FAT4: variants seen among roughly 807,000 people sequenced by gnomAD.
FAT4 encodes the protein FAT atypical cadherin 4, also known as protocadherin Fat 4.
Under a neutral mutation model 303.9 loss-of-function variants are expected in FAT4, and 84 were observed. The observed-to-expected ratio is 0.28, with a 90% confidence interval of 0.23 to 0.33. The LOEUF (loss-of-function observed/expected upper bound fraction) is 0.33, where lower values mean the gene tolerates loss of function less well. Ranked by LOEUF, FAT4 falls within the 10% of genes least tolerant of loss-of-function variation. The pLI is 1.00. For missense variants in FAT4, 6,005 were observed against 6,146.8 expected, an observed-to-expected ratio of 0.98 and a Z score of 0.77; for synonymous variants, 2,307 against 2,298.8, an observed-to-expected ratio of 1.00 and a Z score of -0.10.
At chr4:125,414,280 G>A (rs1280987586) in intron 5 of FAT4, among the ~76,000 whole-genome samples, 1 of 151,900 alleles carries the variant, frequency 6.6e-6, no homozygotes, top group East Asian at 1.9e-4. Context: ...TTCAATAATA[G>A]CATGAGCATT....
chr4:125,456,668 G>A lies in FAT4; in HGVS notation c.11800+3858G>A, dbSNP rs1246327110. Among the ~76,000 whole-genome samples the A allele has an allele frequency of 5.3e-5, 8 of 152,090 alleles. No individual in the cohort carries two copies. In the South Asian group the frequency reaches 1.7e-3, roughly 32 times the overall value. On this transcript the variant is annotated intron_variant, in intron 10 of 17. Transcript: ENST00000394329. The stretch of plus-strand genomic sequence containing the variant: ...TAGTTTGTTAATTTTTTTTGTAGAG[G>A]TAATCTCTGAAGGATCATTCTGAGT...
In FAT4 at chr4:125,317,347, C is replaced by T; in HGVS notation, c.936C>T (p.Asp312=). The change falls in exon 2 of 18, where the codon GAC becomes GAT. Residue 312 remains aspartate (D), a synonymous_variant. Transcript: ENST00000394329. The surrounding 1 kb of genome is among the most constrained non-coding windows in gnomAD (Gnocchi z 7.0). ...TGLITVREPL[D]FEARRQYSLT... ...TTATCACGGTGCGGGAGCCCCTGGA[C>T]TTCGAAGCTCGGCGCCAATACTCGC... 2.5e-6 allele frequency: 4 copies of T among 1,612,744 alleles called. No homozygotes were observed. The highest frequency in any genetic ancestry group is 3.4e-6 in the Non-Finnish European group (4 of 1,179,552).
intron 2 of FAT4, among the ~76,000 whole-genome samples, chr4:125,372,212 AT>A (rs1383129322): frequency 6.6e-6 from 1 of 151,946 alleles, no homozygotes; most frequent in Non-Finnish European, 1.5e-5. Context: ...AAAAAGGAAA[AT>A]TATCCAGCTG....
intron 12 of FAT4, among the ~76,000 whole-genome samples, chr4:125,474,891 GT>G (rs1726975241): frequency 6.6e-6 from 1 of 151,972 alleles, no homozygotes; most frequent in Admixed American, 6.6e-5. Flanking sequence ...AGTTTGGCAT[GT>G]TATTAGTCAA....
intron 10 of FAT4, among the ~76,000 whole-genome samples, chr4:125,459,433 A>G (rs2126067963): frequency 6.6e-6 from 1 of 152,178 alleles, no homozygotes; most frequent in South Asian, 2.1e-4. Flanking sequence ...TAAGTTTAGG[A>G]AAGTCTGCGG....
chr4:125,431,361 A>G (rs1268374699), intron 7 of FAT4, among the ~76,000 whole-genome samples: 1 of 152,206 alleles, frequency 6.6e-6, no homozygotes, highest in Non-Finnish European at 1.5e-5. Context: ...AGAGAGCTAA[A>G]TGTCTCATGT....
intron 3 of FAT4, among the ~76,000 whole-genome samples, chr4:125,403,625 C>T (rs1324039574): frequency 6.6e-6 from 1 of 152,014 alleles, no homozygotes; most frequent in Non-Finnish European, 1.5e-5. Flanking sequence ...TGCCAGATAA[C>T]CATTTCTATG....
intron 3 of FAT4, among the ~76,000 whole-genome samples, chr4:125,400,019 A>G (rs950320319): frequency 2.0e-5 from 3 of 151,948 alleles, no homozygotes; most frequent in Non-Finnish European, 2.9e-5. Flanking sequence ...TTATCAATTC[A>G]TAAAATTTCA....
intron 7 of FAT4, among the ~76,000 whole-genome samples, chr4:125,417,893 A>C (rs2126030161): frequency 6.6e-6 from 1 of 152,326 alleles, no homozygotes; most frequent in African/African-American, 2.4e-5. Context: ...TTTATGAGTG[A>C]TACAGAAAAC....
At chr4:125,362,539 A>G (rs1732714727) in intron 2 of FAT4, among the ~76,000 whole-genome samples, 1 of 152,134 alleles carries the variant, frequency 6.6e-6, no homozygotes, top group Non-Finnish European at 1.5e-5. Flanking sequence ...AATTGGGTAG[A>G]GGAATTATTC....
Position 125,481,720 on chromosome 4 carries a change from C to T in FAT4, c.12804C>T (p.Ser4268=). ...NGVLIHIQES[S]NYTTVKIKNG... is the part of the protein sequence containing the mutation. ...TTTTAATCCATATCCAAGAAAGCAG[C>T]AATTACACTACTGTGAAGGTGAGAT... The change falls in exon 16 of 18, where the codon AGC becomes AGT. Residue 4268 remains serine (S), a synonymous_variant. Coordinates refer to ENST00000394329, the MANE Select transcript of FAT4 (RefSeq NM_001291303.3). 6.2e-7 allele frequency: 1 copy of T among 1,613,906 alleles called. No homozygotes were observed. Among genetic ancestry groups the T allele is most frequent in the Non-Finnish European group, 8.5e-7 (1 of 1,179,820 alleles).
At chr4:125,330,057 T>C (rs7666024) in intron 2 of FAT4, among the ~76,000 whole-genome samples, 76,866 of 151,962 alleles carry the variant, frequency 0.51, 20,255 homozygotes, top group Non-Finnish European at 0.59. Context: ...AGTGTTCCTA[T>C]TGTTCTCTTC....
chr4:125,434,068 CAAATG>C (rs1263018745), intron 7 of FAT4, among the ~76,000 whole-genome samples, 172 bp from the exon 8 acceptor site: 1 of 152,190 alleles, frequency 6.6e-6, no homozygotes, highest in African/African-American at 2.4e-5. Context: ...TTCTAGTTCA[CAAATG>C]AAAACATTTG....
At chr4:125,359,057 C>T (rs954797669) in intron 2 of FAT4, among the ~76,000 whole-genome samples, 1 of 152,104 alleles carries the variant, frequency 6.6e-6, no homozygotes, top group Non-Finnish European at 1.5e-5. Flanking sequence ...TATGATCAGA[C>T]TTAGTGGACA....
At chr4:125,468,192 C>T (rs1218781590) in intron 11 of FAT4, among the ~76,000 whole-genome samples, 2 of 152,052 alleles carry the variant, frequency 1.3e-5, no homozygotes, top group African/African-American at 2.4e-5. Flanking sequence ...AATTTTGAAA[C>T]GTTTCTGGGA....
At chr4:125,443,367 G>A (rs1725723709) in intron 8 of FAT4, among the ~76,000 whole-genome samples, 1 of 152,166 alleles carries the variant, frequency 6.6e-6, no homozygotes, top group Admixed American at 6.5e-5. Flanking sequence ...AAGAGTCCAT[G>A]TTGGCCTTCG....
intron 2 of FAT4, among the ~76,000 whole-genome samples, chr4:125,385,020 A>ATT (rs1281113902): frequency 4.2e-5 from 4 of 94,904 alleles, no homozygotes; most frequent in African/African-American, 1.8e-4. Context: ...ATATATATAT[A>ATT]TATATTTTTT....
intron 13 of FAT4, 134 bp downstream of exon 13, chr4:125,476,390 A>G (rs1156277898): frequency 5.5e-6 from 2 of 362,108 alleles, no homozygotes; most frequent in East Asian, 4.3e-5. Flanking sequence ...CCAAATTTTC[A>G]TAATATAAAA....
intron 2 of FAT4, among the ~76,000 whole-genome samples, chr4:125,367,803 C>T (rs1221888801): frequency 6.6e-6 from 1 of 152,114 alleles, no homozygotes; most frequent in Non-Finnish European, 1.5e-5. Flanking sequence ...TAAGAAAGTA[C>T]TGCAAAATAG....
Sources: gnomAD v4.1 joint callset for allele counts (sites outside exome capture counted in the v4.1 genomes callset) on GRCh38, gnomAD v4.1.1 for gene constraint, Gnocchi (gnomAD v3.1) non-coding constraint, MANE v1.5 for transcripts, NCBI Gene and HGNC (gene_info 2026-07-23, HGNC 2026-07-21) for gene names.